DPH6: variants seen among roughly 807,000 people sequenced by gnomAD.
The protein encoded by DPH6 is diphthine--ammonia ligase.
In DPH6, 33 loss-of-function variants were observed where a neutral mutation model predicts 38.2. The observed-to-expected ratio is 0.86, with a 90% CI of 0.65 to 1.15. The LOEUF is 1.15. DPH6 is among the 50% of genes most tolerant of loss of function. The probability of loss-of-function intolerance (pLI) is 0.00; values close to 1 mark genes in which losing one functional copy is unlikely to be tolerated. For synonymous variants in DPH6, 108 were observed against 103.0 expected (o/e 1.05, Z -0.30); for missense variants, 325 against 320.0 (o/e 1.02, Z -0.12).
intron 6 of DPH6, among the ~76,000 whole-genome samples, chr15:35,405,141 T>C (rs2053274735): frequency 6.6e-6 from 1 of 152,120 alleles, no homozygotes; most frequent in Admixed American, 6.5e-5. Context: ...GTAGCAGAGT[T>C]TGAAGTCAGG....
chr15:35,425,812 T>C (rs899921936), intron 5 of DPH6, among the ~76,000 whole-genome samples: 52 of 70,704 alleles, frequency 7.4e-4, no homozygotes, highest in African/African-American at 3.9e-3. Context: ...TGACATGACA[T>C]ATATATATAT....
chr15:35,420,847 G>C (rs10152716), intron 5 of DPH6, among the ~76,000 whole-genome samples: 3 of 151,910 alleles, frequency 2.0e-5, no homozygotes, highest in Non-Finnish European at 4.4e-5. Flanking sequence ...CTAAATAAAA[G>C]GGACAAACCC....
At chr15:35,271,320 A>G (rs1378980892) in intron 3 of DPH6, among the ~76,000 whole-genome samples, 3 of 152,192 alleles carry the variant, frequency 2.0e-5, no homozygotes, top group African/African-American at 4.8e-5. Context: ...CCTACCCCCA[A>G]TTGGGTAGCT....
Position 35,546,107 on chromosome 15 carries a change from G to C in DPH6, c.23+12C>G. On this transcript the variant is annotated intron_variant, in intron 1 of 8. Coordinates refer to ENST00000256538, the MANE Select transcript of DPH6 (RefSeq NM_080650.4). Reference sequence around the variant, plus strand: ...GCCTAGGAGGAAGGAGGCGGCTCCAGGACCGCATTACCTGATCAGAGCCGC... The same window carrying C: ...GCCTAGGAGGAAGGAGGCGGCTCCACGACCGCATTACCTGATCAGAGCCGC... The C allele has an allele frequency of 2.1e-6, 3 of 1,400,920 alleles. No homozygotes were observed. Among genetic ancestry groups the C allele is most frequent in the South Asian group, 1.6e-5 (1 of 61,864 alleles). The allele number at this position is 1,400,920 out of a possible 1,614,324, so 86.8% of individuals were successfully genotyped here.
intron 7 of DPH6, among the ~76,000 whole-genome samples, 177 bp downstream of exon 7, chr15:35,381,645 G>GA (rs1474076373): frequency 6.6e-5 from 10 of 152,170 alleles, no homozygotes; most frequent in Admixed American, 1.3e-4. Flanking sequence ...GCCTCGTCTT[G>GA]TCAGGTATTG....
the DPH6 span, among the ~76,000 whole-genome samples, chr15:35,192,844 C>CA: frequency 6.6e-6 from 1 of 152,182 alleles, no homozygotes; most frequent in Admixed American, 6.5e-5. Context: ...CACTATTTGC[C>CA]AGGGCATCAT....
Position 35,283,291 on chromosome 15 carries a change from C to T in DPH6, n.201-62709G>A, listed in dbSNP as rs552589581. On this transcript the variant is annotated intron_variant and non_coding_transcript_variant, in intron 3 of 3. Coordinates refer to the DPH6 transcript ENST00000560386. ...TTTCTTCCTCTTCCTCTTCTTCTTC[C>T]TCCTCCTCCTCCTCTTATTCTTCTT... 1.8e-4 allele frequency among the ~76,000 whole-genome samples: 27 copies of T among 150,340 alleles called. 1 individual carries two copies. In the South Asian group the frequency reaches 5.1e-3, roughly 28 times the overall value.
chr15:35,459,613 C>T (rs2054037772), intron 3 of DPH6, among the ~76,000 whole-genome samples: 1 of 151,946 alleles, frequency 6.6e-6, no homozygotes, highest in East Asian at 1.9e-4. Flanking sequence ...TACTTGAAGC[C>T]ACGGGAGCAA....
chr15:35,323,720 G>T lies in DPH6; in HGVS notation n.200+49801C>A, dbSNP rs140861646. 4.9e-3 allele frequency among the ~76,000 whole-genome samples: 746 copies of T among 152,128 alleles called. 7 individuals carry two copies. Among genetic ancestry groups the T allele is most frequent in the Middle Eastern group, 0.041 (12 of 292 alleles). ...CCATCAAATTGCTTTAACAGTACAG[G>T]GGAATTCTTTTCACAATTACTAATA... is the stretch of plus-strand genomic sequence containing the variant. On this transcript the variant is annotated intron_variant and non_coding_transcript_variant, in intron 3 of 3. Coordinates refer to the DPH6 transcript ENST00000560386.
intron 3 of DPH6, among the ~76,000 whole-genome samples, chr15:35,357,555 A>G (rs2052575412): frequency 6.6e-6 from 1 of 152,158 alleles, no homozygotes; most frequent in Non-Finnish European, 1.5e-5. Flanking sequence ...AGCTCCTTTT[A>G]GTTCTTGTAG....
At chr15:35,270,449 T>C (rs1167205506) in intron 3 of DPH6, among the ~76,000 whole-genome samples, 1 of 152,220 alleles carries the variant, frequency 6.6e-6, no homozygotes, top group Non-Finnish European at 1.5e-5. Flanking sequence ...AAATTTTGAA[T>C]AGAAGTAGGT....
intron 3 of DPH6, among the ~76,000 whole-genome samples, chr15:35,316,378 G>A (rs1435663613): frequency 6.6e-6 from 1 of 152,092 alleles, no homozygotes; most frequent in Non-Finnish European, 1.5e-5. Context: ...AAAAATAGAT[G>A]ATAGGATGAA....
chr15:35,338,855 A>T (rs1246026773), intron 3 of DPH6, among the ~76,000 whole-genome samples: 1 of 152,228 alleles, frequency 6.6e-6, no homozygotes, highest in African/African-American at 2.4e-5. Context: ...TGCAGCCATA[A>T]AAAATGATGA....
intron 5 of DPH6, among the ~76,000 whole-genome samples, chr15:35,432,976 T>G (rs1263563365): frequency 6.6e-6 from 1 of 151,940 alleles, no homozygotes; most frequent in Admixed American, 6.6e-5. Context: ...GACATGAAAT[T>G]TACCCATGTA....
intron 3 of DPH6, among the ~76,000 whole-genome samples, chr15:35,498,395 T>C (rs2054583940): frequency 6.6e-6 from 1 of 152,188 alleles, no homozygotes; most frequent in Non-Finnish European, 1.5e-5. Context: ...TTAAATCACT[T>C]CTTGGGACAG....
In DPH6 at chr15:35,285,872, G is replaced by GGTTTTTTTTT. The variant is rs1555391167; in HGVS notation, n.201-65291_201-65290insAAAAAAAAAC. 4.8e-3 allele frequency among the ~76,000 whole-genome samples: 255 copies of GGTTTTTTTTT among 52,832 alleles called. 15 individuals are homozygous for GGTTTTTTTTT. The highest frequency in any genetic ancestry group is 0.017 in the African/African-American group (232 of 13,434). 34.7% of individuals were successfully genotyped at this position (52,832 alleles called of 152,430 possible). On this transcript the variant is annotated intron_variant and non_coding_transcript_variant, in intron 3 of 3. Coordinates refer to the DPH6 transcript ENST00000560386. ...GACTCAATTATCATTTTATCTTTGA[G>GGTTTTTTTTT]TTTTTTTTTTTTTTTTTACCTGAGA... is the stretch of plus-strand genomic sequence containing the variant.
At chr15:35,330,254 T>A (rs1451654076), downstream of DPH6, among the ~76,000 whole-genome samples, 1 of 152,190 alleles carries the variant, frequency 6.6e-6, no homozygotes, top group Non-Finnish European at 1.5e-5. Flanking sequence ...GGCCAATCTA[T>A]CATGCGAATA....
intron 3 of DPH6, among the ~76,000 whole-genome samples, chr15:35,247,739 A>T (rs911667454): frequency 2.3e-4 from 35 of 152,320 alleles, no homozygotes; most frequent in African/African-American, 7.9e-4. Context: ...CCCCCTTGAA[A>T]TACTGTTTTT....
At chr15:35,255,585 G>A (rs1440294224) in intron 3 of DPH6, among the ~76,000 whole-genome samples, 1 of 151,988 alleles carries the variant, frequency 6.6e-6, no homozygotes, top group African/African-American at 2.4e-5. Flanking sequence ...TTGATCATTA[G>A]CTAGGTATCA....
Sources: allele counts gnomAD v4.1 joint callset (sites outside exome capture counted in the v4.1 genomes callset), GRCh38; gene constraint gnomAD v4.1.1; transcripts MANE v1.5; gene names NCBI Gene and HGNC (gene_info 2026-07-23, HGNC 2026-07-21).